Variants in COL24A1 observed in about 807,000 individuals in gnomAD.
COL24A1 encodes the protein collagen type XXIV alpha 1 chain.
Under a neutral mutation model 253.9 loss-of-function variants are expected in COL24A1, and 224 were observed. That is an observed-to-expected ratio of 0.88 (90% confidence interval 0.79 to 0.99). COL24A1 has a LOEUF of 0.99. Ranked by LOEUF, COL24A1 falls within the 50% of genes least tolerant of loss-of-function variation. The probability of loss-of-function intolerance (pLI) is 0.00; values close to 1 mark genes in which losing one functional copy is unlikely to be tolerated. For synonymous variants in COL24A1, 685 were observed against 673.7 expected, an observed-to-expected ratio of 1.02 and a Z score of -0.26; for missense variants, 2,131 against 2,068.5, an observed-to-expected ratio of 1.03 and a Z score of -0.59.
At chr1:85,887,389 G>A (rs576453663) in intron 32 of COL24A1, among the ~76,000 whole-genome samples, 2 of 152,058 alleles carry the variant, frequency 1.3e-5, no homozygotes, top group African/African-American at 4.8e-5. Context: ...ATAAACCAAG[G>A]GACATTATTT....
intron 37 of COL24A1, among the ~76,000 whole-genome samples, chr1:85,851,005 A>G (rs1053679186): frequency 5.3e-5 from 7 of 132,484 alleles, no homozygotes; most frequent in South Asian, 5.7e-4. Context: ...GTGTGTGTAT[A>G]TATATATATA....
chr1:86,045,570 A>AAAT, intron 12 of COL24A1, among the ~76,000 whole-genome samples: 2 of 152,242 alleles, frequency 1.3e-5, no homozygotes, highest in South Asian at 2.1e-4. Context: ...AAAAAAAAAA[A>AAAT]TTAACACACC....
chr1:85,771,375 G>A (rs1667941637), intron 53 of COL24A1, among the ~76,000 whole-genome samples: 1 of 152,076 alleles, frequency 6.6e-6, no homozygotes, highest in South Asian at 2.1e-4. Flanking sequence ...TCTTGTGATA[G>A]TTTGCTGAGA....
intron 5 of COL24A1, among the ~76,000 whole-genome samples, chr1:86,096,456 C>A (rs1369316979): frequency 6.6e-6 from 1 of 152,120 alleles, no homozygotes; most frequent in Non-Finnish European, 1.5e-5. Flanking sequence ...CACTTCCTAT[C>A]TTTAGCCCAC....
intron 14 of COL24A1, among the ~76,000 whole-genome samples, chr1:86,025,668 G>T (rs956519457): frequency 1.3e-5 from 2 of 152,192 alleles, no homozygotes; most frequent in Non-Finnish European, 2.9e-5. Context: ...CAGACAAGTT[G>T]TTTACTATGC....
intron 24 of COL24A1, among the ~76,000 whole-genome samples, chr1:85,925,239 C>T (rs1373084999): frequency 6.6e-6 from 1 of 152,134 alleles, no homozygotes; most frequent in African/African-American, 2.4e-5. Flanking sequence ...TGGTAATGGC[C>T]ATACTGCCCA....
intron 1 of COL24A1, among the ~76,000 whole-genome samples, chr1:86,149,174 C>T (rs1012900079): frequency 1.3e-5 from 2 of 152,146 alleles, no homozygotes; most frequent in Non-Finnish European, 2.9e-5. Context: ...GGATTACAGG[C>T]ATGAGCCACC....
chr1:86,110,622 G>A (rs952265929), intron 5 of COL24A1, among the ~76,000 whole-genome samples: 14 of 152,036 alleles, frequency 9.2e-5, no homozygotes, highest in Non-Finnish European at 1.6e-4. Flanking sequence ...AGTTCCGGGT[G>A]GGCACAGGCT....
At chr1:85,965,276 C>T (rs1464619950) in intron 22 of COL24A1, among the ~76,000 whole-genome samples, 4 of 152,012 alleles carry the variant, frequency 2.6e-5, no homozygotes, top group East Asian at 1.9e-4. Context: ...TGCAGAGGAT[C>T]GAGGACTGCA....
intron 2 of COL24A1, among the ~76,000 whole-genome samples, chr1:86,144,749 G>A (rs2102409249): frequency 6.6e-6 from 1 of 152,092 alleles, no homozygotes; most frequent in Admixed American, 6.5e-5. Flanking sequence ...TTACTTGGAG[G>A]TGGTTACCTA....
intron 43 of COL24A1, among the ~76,000 whole-genome samples, chr1:85,830,619 T>G (rs1380237160): frequency 6.6e-6 from 1 of 152,100 alleles, no homozygotes; most frequent in Non-Finnish European, 1.5e-5. Flanking sequence ...GGATATAATC[T>G]CCTGGTGTGC....
At chr1:86,057,039 G>A (rs926327315) in intron 10 of COL24A1, among the ~76,000 whole-genome samples, 1 of 151,830 alleles carries the variant, frequency 6.6e-6, no homozygotes, top group Non-Finnish European at 1.5e-5. Flanking sequence ...CCTCCAAATC[G>A]CATGTTAAAA....
chr1:86,027,927 C>T (rs1300841392), intron 14 of COL24A1, among the ~76,000 whole-genome samples: 1 of 152,230 alleles, frequency 6.6e-6, no homozygotes, highest in South Asian at 2.1e-4. Flanking sequence ...CCACCTCCTA[C>T]ATCAGTGTGA....
chr1:85,805,070 G>A (rs1671824832), intron 47 of COL24A1, among the ~76,000 whole-genome samples: 3 of 152,132 alleles, frequency 2.0e-5, no homozygotes, highest in African/African-American at 7.2e-5. Context: ...TGAAGTCCTG[G>A]CCTCAAGAGG....
chr1:85,767,405 G>A (rs1667493351), intron 53 of COL24A1, among the ~76,000 whole-genome samples: 1 of 152,078 alleles, frequency 6.6e-6, no homozygotes, highest in South Asian at 2.1e-4. Flanking sequence ...CCAATGAAAA[G>A]TGTAAGAAAT....
At chr1:85,874,807 G>T in intron 34 of COL24A1, 105 bp from the exon 35 acceptor site, 1 of 1,252,834 alleles carries the variant, frequency 8.0e-7, no homozygotes, top group Non-Finnish European at 1.1e-6. Context: ...GGGCCGTAGA[G>T]GGTACCTGTC....
intron 3 of COL24A1, among the ~76,000 whole-genome samples, 173 bp downstream of exon 3, chr1:86,124,672 G>A (rs1484494800): frequency 6.6e-6 from 1 of 151,812 alleles, no homozygotes; most frequent in Non-Finnish European, 1.5e-5. Context: ...TTACATTCTG[G>A]CAGATATGTT....
chr1:85,947,362 T>C (rs906613927), intron 24 of COL24A1, among the ~76,000 whole-genome samples: 9 of 152,294 alleles, frequency 5.9e-5, no homozygotes, highest in Non-Finnish European at 1.3e-4. Context: ...GTGTCCGCAG[T>C]CCAGTGGAAG....
intron 19 of COL24A1, among the ~76,000 whole-genome samples, chr1:85,990,549 G>A (rs906690217): frequency 1.3e-5 from 2 of 152,194 alleles, no homozygotes; most frequent in Non-Finnish European, 1.5e-5. Context: ...CTCACTTCCT[G>A]CTGTGCAGCC....
Sources: gnomAD v4.1 joint callset for allele counts (sites outside exome capture counted in the v4.1 genomes callset) on GRCh38, gnomAD v4.1.1 for gene constraint, MANE v1.5 for transcripts, NCBI Gene and HGNC (gene_info 2026-07-23, HGNC 2026-07-21) for gene names.